Variants in SLIT2 observed in about 807,000 individuals in gnomAD.
SLIT2 encodes slit guidance ligand 2, also known as slit homolog 2 protein.
A neutral mutation model predicts 185.7 loss-of-function variants in SLIT2; 41 were observed. That is an observed-to-expected ratio of 0.22 (90% CI 0.17 to 0.29). The LOEUF (loss-of-function observed/expected upper bound fraction) is 0.29, where lower values mean the gene tolerates loss of function less well. Among genes scored for constraint, SLIT2 ranks in the 10% least tolerant of loss-of-function variants. The pLI, the probability that SLIT2 is intolerant of heterozygous loss-of-function variation, is 1.00. For synonymous variants in SLIT2, 693 were observed against 680.2 expected, an observed-to-expected ratio of 1.02 and a Z score of -0.29; for missense variants, 1,571 against 1,909.0, an observed-to-expected ratio of 0.82 and a Z score of 3.30.
rs142041257 is a variant in SLIT2, at chr4:20,496,401, A to G, written c.914+4502A>G. 8.5e-4 allele frequency among the ~76,000 whole-genome samples: 130 copies of G among 152,328 alleles called. No homozygotes were observed. The East Asian group carries it at 0.021, about 24-fold the overall frequency. ...AATGTTGGATTGCAGTTGGATCGCAATGTTGGCTTGTGCACATTTGATCTT... is the reference window on the plus strand; with the variant it reads ...AATGTTGGATTGCAGTTGGATCGCAGTGTTGGCTTGTGCACATTTGATCTT... On this transcript the variant is annotated intron_variant, in intron 9 of 36. Coordinates refer to ENST00000504154, the MANE Select transcript of SLIT2 (RefSeq NM_004787.4).
chr4:20,364,413 T>TAAAA (rs1166316424), intron 4 of SLIT2: 10 of 259,364 alleles, frequency 3.9e-5, no homozygotes, highest in Non-Finnish European at 5.4e-5. Flanking sequence ...ATTTTAACAT[T>TAAAA]TTAACAGATA....
chr4:20,574,617 T>G (rs1725923068), intron 29 of SLIT2, among the ~76,000 whole-genome samples: 3 of 151,964 alleles, frequency 2.0e-5, no homozygotes, highest in Admixed American at 2.0e-4. Flanking sequence ...TGAAACCCTG[T>G]CTCTACTAAA....
At chr4:20,471,055 A>G (rs1714948340) in intron 5 of SLIT2, among the ~76,000 whole-genome samples, 1 of 152,188 alleles carries the variant, frequency 6.6e-6, no homozygotes, top group African/African-American at 2.4e-5. Flanking sequence ...CAAAAGAACA[A>G]TTTATTCCCA....
At chr4:20,276,709 G>C (rs1261115770) in intron 4 of SLIT2, among the ~76,000 whole-genome samples, 1 of 152,138 alleles carries the variant, frequency 6.6e-6, no homozygotes, top group African/African-American at 2.4e-5. Context: ...ATTAAAGCTC[G>C]AAGTATGTGA....
At chr4:20,323,025 T>C (rs2109171871) in intron 4 of SLIT2, among the ~76,000 whole-genome samples, 1 of 152,314 alleles carries the variant, frequency 6.6e-6, no homozygotes, top group African/African-American at 2.4e-5. Flanking sequence ...CACAACCCTG[T>C]CATAAAAGTG....
At chr4:20,526,138 A>G (rs1721272271) in intron 15 of SLIT2, among the ~76,000 whole-genome samples, 1 of 152,178 alleles carries the variant, frequency 6.6e-6, no homozygotes, top group Non-Finnish European at 1.5e-5. Flanking sequence ...GCGTTAGTGT[A>G]CAGAGTTAGT....
chr4:20,484,127 G>T lies in SLIT2; in HGVS notation c.540-2073G>T, dbSNP rs1716975305. On this transcript the variant is annotated intron_variant, in intron 6 of 36. Coordinates refer to ENST00000504154, the MANE Select transcript of SLIT2 (RefSeq NM_004787.4). This position sits in a 1 kb window ranked among gnomAD's most constrained non-coding sequence, Gnocchi z 4.3. Reference sequence around the variant, plus strand: ...AGTTTTCCTTTGCATGGAGATATAAGAAACTATAGTTCAAAATTAATGCAT... The same window carrying T: ...AGTTTTCCTTTGCATGGAGATATAATAAACTATAGTTCAAAATTAATGCAT... Among the ~76,000 whole-genome samples, 1 of 152,026 alleles carries T rather than the reference G, an allele frequency of 6.6e-6. No homozygotes were observed. Among genetic ancestry groups the T allele is most frequent in the Non-Finnish European group, 1.5e-5 (1 of 67,982 alleles).
chr4:20,570,636 G>C (rs1725493484), intron 29 of SLIT2, among the ~76,000 whole-genome samples: 1 of 149,660 alleles, frequency 6.7e-6, no homozygotes, highest in Non-Finnish European at 1.5e-5. Context: ...CTTAAACCAA[G>C]CCACTGTCAC....
chr4:20,299,705 T>A (rs1013429041), intron 4 of SLIT2, among the ~76,000 whole-genome samples: 2 of 151,938 alleles, frequency 1.3e-5, no homozygotes, highest in East Asian at 3.9e-4. Flanking sequence ...GTCAAAAATG[T>A]GGACTTTTTA....
chr4:20,486,115 A>G lies in SLIT2; in HGVS notation c.540-85A>G. The G allele has an allele frequency of 6.2e-6, 5 of 809,808 alleles. No individual in the cohort carries two copies. The South Asian group carries it at 7.2e-5, about 12-fold the overall frequency. 50.2% of individuals were successfully genotyped at this position (809,808 alleles called of 1,614,324 possible). A position where few individuals can be genotyped will look rare whatever the true frequency, so the allele number is the denominator to read the frequency against. On this transcript the variant is annotated intron_variant, in intron 6 of 36. Coordinates refer to ENST00000504154, the MANE Select transcript of SLIT2 (RefSeq NM_004787.4). ...GGTAGCTGTCCTGCATAAGCATAGT[A>G]CAAGACGTTTTCTCTATGTTAATAT...
intron 4 of SLIT2, among the ~76,000 whole-genome samples, chr4:20,401,567 G>T (rs1673352793): frequency 6.6e-6 from 1 of 151,674 alleles, no homozygotes; most frequent in Non-Finnish European, 1.5e-5. Flanking sequence ...CACGCAGCTG[G>T]GTGGGTAGGT....
At chr4:20,386,176 G>A (rs1268712135) in intron 4 of SLIT2, among the ~76,000 whole-genome samples, 2 of 152,052 alleles carry the variant, frequency 1.3e-5, no homozygotes, top group East Asian at 1.9e-4. Flanking sequence ...GACTCTTTTT[G>A]CATGTAATTG....
chr4:20,595,396 G>A (rs1322026331), intron 30 of SLIT2, among the ~76,000 whole-genome samples: 1 of 152,066 alleles, frequency 6.6e-6, no homozygotes, highest in Non-Finnish European at 1.5e-5. Context: ...AAGAAAGGAA[G>A]GAAGAGGGAG....
chr4:20,541,687 A>G (rs1722811318), intron 20 of SLIT2, 68 bp downstream of exon 20: 1 of 1,342,906 alleles, frequency 7.4e-7, no homozygotes, highest in Non-Finnish European at 1.1e-6. Flanking sequence ...AGCTTTGCAC[A>G]AATCTACAGC....
In SLIT2 at chr4:20,319,815, A is replaced by AC. The variant is rs964617262; in HGVS notation, c.395+50934_395+50935insC. ...GGCCAGCACTAAAAAACAAAACAAA[A>AC]AAAAAACAAAAACCATAACATCCCC... On this transcript the variant is annotated intron_variant, in intron 4 of 36. Coordinates refer to ENST00000504154, the MANE Select transcript of SLIT2 (RefSeq NM_004787.4). 2.4e-3 allele frequency among the ~76,000 whole-genome samples: 372 copies of AC among 152,114 alleles called. 2 individuals carry two copies. Among genetic ancestry groups the AC allele is most frequent in the Middle Eastern group, 0.024 (7 of 294 alleles).
At chr4:20,446,213 G>C (rs1711777440) in intron 4 of SLIT2, among the ~76,000 whole-genome samples, 1 of 152,212 alleles carries the variant, frequency 6.6e-6, no homozygotes, top group African/African-American at 2.4e-5. Flanking sequence ...AGCTGTTGAA[G>C]AGGGAAGCTG....
intron 4 of SLIT2, among the ~76,000 whole-genome samples, chr4:20,420,420 G>A (rs572186175): frequency 3.3e-5 from 5 of 152,238 alleles, no homozygotes; most frequent in African/African-American, 1.2e-4. Context: ...CACTTTGTAT[G>A]CCAGTTACTA....
chr4:20,550,050 A>G (rs1344792661), intron 24 of SLIT2, among the ~76,000 whole-genome samples: 1 of 152,104 alleles, frequency 6.6e-6, no homozygotes, highest in Non-Finnish European at 1.5e-5. Flanking sequence ...TCCCCAGACA[A>G]GACTTTGTCC....
chr4:20,558,650 T>A (rs1254619481), intron 26 of SLIT2, among the ~76,000 whole-genome samples: 1 of 151,998 alleles, frequency 6.6e-6, no homozygotes, highest in African/African-American at 2.4e-5. Context: ...CCTACGTACA[T>A]CTTTGTGTAA....
Sources: gnomAD v4.1 joint callset for allele counts (sites outside exome capture counted in the v4.1 genomes callset) on GRCh38, gnomAD v4.1.1 for gene constraint, Gnocchi (gnomAD v3.1) non-coding constraint, MANE v1.5 for transcripts, NCBI Gene and HGNC (gene_info 2026-07-23, HGNC 2026-07-21) for gene names.